GALNT17: variants seen among roughly 807,000 people sequenced by gnomAD.
The protein encoded by GALNT17 is polypeptide N-acetylgalactosaminyltransferase 17.
Under a neutral mutation model 63.7 loss-of-function variants are expected in GALNT17, and 29 were observed. The observed-to-expected ratio is 0.46, with a 90% confidence interval of 0.34 to 0.62. The LOEUF (loss-of-function observed/expected upper bound fraction) is 0.62, where lower values mean the gene tolerates loss of function less well. Ranked by LOEUF, GALNT17 falls within the 20% of genes least tolerant of loss-of-function variation. The pLI, the probability that GALNT17 is intolerant of heterozygous loss-of-function variation, is 0.01. For missense variants in GALNT17, 603 were observed against 799.6 expected (o/e 0.75, Z 2.97); for synonymous variants, 305 against 318.3 (o/e 0.96, Z 0.45).
chr7:71,466,422 G>GTA (rs1364748954), intron 5 of GALNT17, among the ~76,000 whole-genome samples: 2 of 152,156 alleles, frequency 1.3e-5, no homozygotes, highest in Non-Finnish European at 2.9e-5. Context: ...CTTCACTCTG[G>GTA]TATAGTATCA....
chr7:71,356,914 T>C (rs1040072408), intron 2 of GALNT17, among the ~76,000 whole-genome samples: 1 of 152,056 alleles, frequency 6.6e-6, no homozygotes, highest in Non-Finnish European at 1.5e-5. Flanking sequence ...CCCAAGTAGC[T>C]GGGATTACAG....
Position 71,166,664 on chromosome 7 carries a change from G to A in GALNT17, c.238+33624G>A, listed in dbSNP as rs954146734. Among the ~76,000 whole-genome samples the A allele has an allele frequency of 3.9e-5, 6 of 152,054 alleles. No homozygotes were observed. The East Asian group carries it at 7.7e-4, about 20-fold the overall frequency. On this transcript the variant is annotated intron_variant, in intron 1 of 10. Transcript: ENST00000333538. ...TCTGCATAATTGCAGTGTATCCATC[G>A]TTTATTTACTTTTATTACTAACTAT...
chr7:71,404,680 G>A (rs1022381620), intron 3 of GALNT17, among the ~76,000 whole-genome samples: 1 of 152,182 alleles, frequency 6.6e-6, no homozygotes, highest in Admixed American at 6.5e-5. Context: ...GCTGGGGTGG[G>A]GTGTGTGTGT....
rs1261148382 is a variant in GALNT17, at chr7:71,148,858, TTTTATA to T, written c.238+15820_238+15825del. Among the ~76,000 whole-genome samples, 599 of 91,912 alleles carry T rather than the reference TTTTATA, an allele frequency of 6.5e-3. 17 individuals carry two copies. The highest frequency in any genetic ancestry group is 0.028 in the African/African-American group (546 of 19,514). The allele number at this position is 91,912 out of a possible 152,430, so 60.3% of individuals were successfully genotyped here. On this transcript the variant is annotated intron_variant, in intron 1 of 10. Transcript: ENST00000333538. ...ATGAAATACAGTAGTATTATGGTAT[TTTTATA>T]TATATATATATATATATATATATAT...
chr7:71,140,321 C>G (rs1787863157), intron 1 of GALNT17, among the ~76,000 whole-genome samples: 1 of 152,184 alleles, frequency 6.6e-6, no homozygotes, highest in African/African-American at 2.4e-5. Context: ...AGGACCAGGG[C>G]CAGGGTGCTG....
At chr7:71,636,076 G>A (rs942350378) in intron 6 of GALNT17, among the ~76,000 whole-genome samples, 4 of 152,146 alleles carry the variant, frequency 2.6e-5, no homozygotes, top group African/African-American at 9.7e-5. Flanking sequence ...TATTCAAGAT[G>A]GAGTCACTCT....
At chr7:71,677,135 A>G (rs2117066703) in intron 8 of GALNT17, 76 bp from the exon 9 acceptor site, 4 of 1,486,868 alleles carry the variant, frequency 2.7e-6, no homozygotes, top group Non-Finnish European at 3.8e-6. Context: ...GAACCAAGCC[A>G]TGGTAGAACA....
intron 1 of GALNT17, chr7:71,307,747 A>G (rs1791332677): frequency 6.6e-6 from 1 of 152,234 alleles, no homozygotes; most frequent in South Asian, 2.1e-4. Context: ...GAACCAGAAA[A>G]TGAGAAGTTA....
intron 6 of GALNT17, among the ~76,000 whole-genome samples, chr7:71,654,653 T>C (rs922278206): frequency 6.7e-6 from 1 of 150,136 alleles, no homozygotes; most frequent in Admixed American, 6.8e-5. Context: ...TAATTTCTTG[T>C]TGTTTCACTG....
intron 5 of GALNT17, among the ~76,000 whole-genome samples, chr7:71,483,833 T>A (rs1318309845): frequency 6.6e-6 from 1 of 152,230 alleles, no homozygotes; most frequent in Non-Finnish European, 1.5e-5. Context: ...ATATTTTCTT[T>A]CTTTATAGCT....
At chr7:71,655,158 G>A (rs554804287) in intron 6 of GALNT17, among the ~76,000 whole-genome samples, 2 of 152,172 alleles carry the variant, frequency 1.3e-5, no homozygotes, top group African/African-American at 2.4e-5. Flanking sequence ...GGGAGGCTGG[G>A]GCAGGAGGAG....
At chr7:71,628,079 A>T (rs1790400659) in intron 6 of GALNT17, among the ~76,000 whole-genome samples, 1 of 150,746 alleles carries the variant, frequency 6.6e-6, no homozygotes, top group African/African-American at 2.4e-5. Context: ...GGGGGAAAAA[A>T]GTCTAAAAAT....
intron 1 of GALNT17, among the ~76,000 whole-genome samples, chr7:71,281,350 T>A (rs770376599): frequency 1.3e-5 from 2 of 152,166 alleles, no homozygotes; most frequent in African/African-American, 4.8e-5. Context: ...ATAATTTTTT[T>A]AAAGAATGTC....
chr7:71,389,251 A>G (rs1793006958), intron 3 of GALNT17, among the ~76,000 whole-genome samples: 1 of 151,810 alleles, frequency 6.6e-6, no homozygotes, highest in Non-Finnish European at 1.5e-5. Flanking sequence ...TTCCTGCCTT[A>G]GCCTCCCGAG....
intron 5 of GALNT17, among the ~76,000 whole-genome samples, chr7:71,513,560 A>G (rs1233824429): frequency 6.6e-6 from 1 of 151,706 alleles, no homozygotes; most frequent in Non-Finnish European, 1.5e-5. Context: ...TAAGTTTTGT[A>G]TTTTGAGTAG....
At chr7:71,148,776 T>C (rs987120422) in intron 1 of GALNT17, among the ~76,000 whole-genome samples, 2 of 150,396 alleles carry the variant, frequency 1.3e-5, no homozygotes, top group Admixed American at 6.7e-5. Flanking sequence ...GCGTACTTTT[T>C]CCCCCTCAGG....
chr7:71,626,585 A>G (rs1416367566), intron 6 of GALNT17, among the ~76,000 whole-genome samples: 1 of 152,282 alleles, frequency 6.6e-6, no homozygotes, highest in South Asian at 2.1e-4. Context: ...AATGACCACT[A>G]TTTGGAGATG....
At chr7:71,271,282 A>G (rs66516554) in intron 1 of GALNT17, among the ~76,000 whole-genome samples, 42,009 of 152,148 alleles carry the variant, frequency 0.28, 7,331 homozygotes, top group Admixed American at 0.39. Flanking sequence ...CGCGCCTTCC[A>G]GTGCAAGAAA....
intron 6 of GALNT17, among the ~76,000 whole-genome samples, chr7:71,606,283 T>C (rs937487682): frequency 2.6e-5 from 4 of 152,140 alleles, no homozygotes; most frequent in Admixed American, 6.6e-5. Flanking sequence ...TTATGGACTG[T>C]GACTATTTTG....
Sources: gnomAD v4.1 joint callset for allele counts (sites outside exome capture counted in the v4.1 genomes callset) on GRCh38, gnomAD v4.1.1 for gene constraint, MANE v1.5 for transcripts, NCBI Gene and HGNC (gene_info 2026-07-23, HGNC 2026-07-21) for gene names.